The following UBE2Q2 variants were observed in gnomAD, a reference collection of about 807,000 sequenced individuals.
The protein encoded by UBE2Q2 is ubiquitin conjugating enzyme E2 Q2, also known as ubiquitin-conjugating enzyme E2 Q2.
UBE2Q2 carries 54 observed loss-of-function variants against 59.9 expected under a neutral mutation model. The ratio of observed to expected loss-of-function variants is 0.90; its 90% CI spans 0.72 to 1.13. UBE2Q2 has a LOEUF of 1.13. Ranked by LOEUF, UBE2Q2 falls within the 50% of genes most tolerant of loss-of-function variation. The pLI is 0.00. For synonymous variants in UBE2Q2, 165 were observed against 155.2 expected, an observed-to-expected ratio of 1.06 and a Z score of -0.47; for missense variants, 433 against 441.9, an observed-to-expected ratio of 0.98 and a Z score of 0.18.
intron 4 of UBE2Q2, among the ~76,000 whole-genome samples, chr15:75,872,533 CTTT>C (rs374099581): frequency 8.7e-6 from 1 of 114,792 alleles, no homozygotes; most frequent in Non-Finnish European, 1.8e-5. Flanking sequence ...TTTTCTTTTC[CTTT>C]TTTTTTTTTT....
intron 2 of UBE2Q2, among the ~76,000 whole-genome samples, chr15:75,856,261 GTGTGTGTGTATA>G (rs1896901888): frequency 1.9e-5 from 2 of 103,354 alleles, no homozygotes; most frequent in Admixed American, 2.1e-4. Flanking sequence ...GTGTGTGTGT[GTGTGTGTGTATA>G]TATATATATA....
intron 1 of UBE2Q2, among the ~76,000 whole-genome samples, chr15:75,845,542 A>C (rs1215079696): frequency 6.6e-6 from 1 of 152,142 alleles, no homozygotes; most frequent in Non-Finnish European, 1.5e-5. Flanking sequence ...TAGGAGACTG[A>C]ATTTGTAGGC....
intron 1 of UBE2Q2, chr15:75,844,172 C>T: frequency 9.0e-6 from 13 of 1,437,426 alleles, no homozygotes; most frequent in Non-Finnish European, 1.2e-5. Context: ...CGCCCTCAGC[C>T]GGCCTGCTCC....
chr15:75,900,197 C>CT lies in UBE2Q2; in HGVS notation c.*741dup, dbSNP rs1422732802. 6.6e-6 allele frequency: 1 copy of CT among 152,166 alleles called. No individual in the cohort carries two copies. The highest frequency in any genetic ancestry group is 6.5e-5 in the Admixed American group (1 of 15,288). The allele number at this position is 152,166 out of a possible 1,614,324, so 9.4% of individuals were successfully genotyped here. On this transcript the variant is annotated 3_prime_UTR_variant, in exon 13 of 13. Coordinates refer to ENST00000267938, the MANE Select transcript of UBE2Q2 (RefSeq NM_173469.4). ...TATGAACAAGAGCCACAGTACAGAG[C>CT]TTCAAGTTATTTAAAATACTAAGTC...
At chr15:75,891,337 TGTA>T (rs1305614985) in intron 11 of UBE2Q2, among the ~76,000 whole-genome samples, 2 of 152,140 alleles carry the variant, frequency 1.3e-5, no homozygotes, top group Non-Finnish European at 2.9e-5. Flanking sequence ...GTATGTATAG[TGTA>T]GTAAATTAAA....
intron 9 of UBE2Q2, among the ~76,000 whole-genome samples, chr15:75,886,743 T>C: frequency 6.6e-6 from 1 of 151,950 alleles, no homozygotes. Flanking sequence ...AAAAATTAGC[T>C]GGGCGTGGTG....
chr15:75,869,097 A>G (rs1897655017), intron 4 of UBE2Q2, 87 bp downstream of exon 4: 11 of 1,100,004 alleles, frequency 1.0e-5, no homozygotes, highest in South Asian at 5.8e-5. Context: ...ATAGACTACT[A>G]TTAATGTGGA....
chr15:75,853,856 G>A (rs982184125), intron 1 of UBE2Q2, among the ~76,000 whole-genome samples: 2 of 152,114 alleles, frequency 1.3e-5, no homozygotes, highest in African/African-American at 2.4e-5. Flanking sequence ...CTGGGCCTCC[G>A]TTTCTGGATG....
At chr15:75,894,787 C>G (rs1483465920) in intron 11 of UBE2Q2, among the ~76,000 whole-genome samples, 2 of 151,972 alleles carry the variant, frequency 1.3e-5, no homozygotes, top group Non-Finnish European at 2.9e-5. Flanking sequence ...TCCTTGTATT[C>G]TGGGTGGTGG....
chr15:75,862,868 G>GT (rs1897268835), intron 3 of UBE2Q2, among the ~76,000 whole-genome samples: 1 of 142,292 alleles, frequency 7.0e-6, no homozygotes, highest in Non-Finnish European at 1.5e-5. Flanking sequence ...GGAGTTCTTT[G>GT]TGGCCAAGAC....
intron 1 of UBE2Q2, 106 bp from the exon 2 acceptor site, chr15:75,854,280 A>G (rs1896789282): frequency 9.2e-6 from 7 of 762,210 alleles, no homozygotes; most frequent in Non-Finnish European, 1.4e-5. Context: ...CCCCCCATAC[A>G]TTTTGTTTAA....
At chr15:75,853,344 GC>G (rs1198877889) in intron 1 of UBE2Q2, among the ~76,000 whole-genome samples, 1 of 152,044 alleles carries the variant, frequency 6.6e-6, no homozygotes, top group African/African-American at 2.4e-5. Flanking sequence ...GGTGGCATGT[GC>G]TTGTTATCCC....
chr15:75,893,618 TTAGA>T (rs1393985739), intron 11 of UBE2Q2, among the ~76,000 whole-genome samples: 1 of 152,142 alleles, frequency 6.6e-6, no homozygotes, highest in African/African-American at 2.4e-5. Flanking sequence ...TACCCAATAA[TTAGA>T]TATAGATCGT....
intron 4 of UBE2Q2, among the ~76,000 whole-genome samples, chr15:75,872,086 G>T (rs1315987734): frequency 1.3e-5 from 2 of 152,128 alleles, no homozygotes; most frequent in Non-Finnish European, 2.9e-5. Flanking sequence ...ATGGAGTCAT[G>T]GGCAGAGTTT....
intron 11 of UBE2Q2, among the ~76,000 whole-genome samples, chr15:75,892,884 T>C (rs1899180968): frequency 6.6e-6 from 1 of 152,108 alleles, no homozygotes; most frequent in South Asian, 2.1e-4. Flanking sequence ...AAAAATGTAA[T>C]TGTTGAAATA....
Sources: allele counts gnomAD v4.1 joint callset (sites outside exome capture counted in the v4.1 genomes callset), GRCh38; gene constraint gnomAD v4.1.1; transcripts MANE v1.5; gene names NCBI Gene and HGNC (gene_info 2026-07-23, HGNC 2026-07-21).